Variants in FLRT2 observed in about 807,000 individuals in gnomAD.
FLRT2 encodes the protein fibronectin leucine rich transmembrane protein 2.
Under a neutral mutation model 40.0 loss-of-function variants are expected in FLRT2, and 15 were observed. That is an observed-to-expected ratio of 0.38 (90% CI 0.25 to 0.58). The LOEUF is 0.58. Among genes scored for constraint, FLRT2 ranks in the 20% least tolerant of loss-of-function variants. The pLI is 0.71. For synonymous variants in FLRT2, 380 were observed against 336.8 expected, an observed-to-expected ratio of 1.13 and a Z score of -1.41; for missense variants, 726 against 840.0, an observed-to-expected ratio of 0.86 and a Z score of 1.68.
intron 1 of FLRT2, among the ~76,000 whole-genome samples, chr14:85,534,354 AT>A: frequency 6.6e-6 from 1 of 152,226 alleles, no homozygotes; most frequent in East Asian, 1.9e-4. Context: ...CCCGTTTAGC[AT>A]TTTTAAAAAA....
At position 85,640,183 on chromosome 14, in the gene FLRT2, A is replaced by G. The variant is rs1894119742; in HGVS notation, c.*16686A>G. On this transcript the variant is annotated 3_prime_UTR_variant, in exon 2 of 2. Coordinates refer to ENST00000330753, the MANE Select transcript of FLRT2 (RefSeq NM_013231.6). ...AATTCTTAACAGTTATTGTTATCTAACTACTTGACTAGTGTAGATTCTGCT... is the reference window on the plus strand; with the variant it reads ...AATTCTTAACAGTTATTGTTATCTAGCTACTTGACTAGTGTAGATTCTGCT... 1 of 152,120 alleles carries G rather than the reference A, an allele frequency of 6.6e-6. No homozygotes were observed. Among genetic ancestry groups the G allele is most frequent in the Non-Finnish European group, 1.5e-5 (1 of 68,032 alleles). The allele number at this position is 152,120 out of a possible 1,614,324, so 9.4% of individuals were successfully genotyped here.
chr14:85,593,561 A>T (rs1892000752), intron 1 of FLRT2, among the ~76,000 whole-genome samples: 1 of 152,140 alleles, frequency 6.6e-6, no homozygotes, highest in Admixed American at 6.5e-5. Context: ...GAACCAAGGT[A>T]TTGTTGGGTA....
intron 1 of FLRT2, among the ~76,000 whole-genome samples, chr14:85,594,822 C>T (rs1373886196): frequency 1.3e-5 from 2 of 152,150 alleles, no homozygotes; most frequent in African/African-American, 4.8e-5. Context: ...AATTTAACTA[C>T]TAATAGCCTA....
rs997812262 is a variant in FLRT2, at chr14:85,652,824, C to T, written c.*29327C>T. 2 of 151,964 alleles carry T rather than the reference C, an allele frequency of 1.3e-5. No individual in the cohort carries two copies. The highest frequency in any genetic ancestry group is 4.8e-5 in the African/African-American group (2 of 41,394). 9.4% of individuals were successfully genotyped at this position (151,964 alleles called of 1,614,324 possible). On this transcript the variant is annotated 3_prime_UTR_variant, in exon 2 of 2. Transcript: ENST00000330753. ...ATTATTTAAAAAAGTTTTTGCTTGGCAAATCTTCCCCTCTAGGAGATTAAA... is the reference window on the plus strand; with the variant it reads ...ATTATTTAAAAAAGTTTTTGCTTGGTAAATCTTCCCCTCTAGGAGATTAAA...
chr14:85,616,465 T>C (rs1893139256), intron 1 of FLRT2, among the ~76,000 whole-genome samples: 1 of 152,232 alleles, frequency 6.6e-6, no homozygotes, highest in Non-Finnish European at 1.5e-5. Context: ...GAAGCACGAC[T>C]ACCTCAGTGA....
At position 85,635,235 on chromosome 14, in the gene FLRT2, A is replaced by G. The variant is rs1321714974; in HGVS notation, c.*11738A>G. The stretch of plus-strand genomic sequence containing the variant: ...TGTCCCTAAGCCTCAGTTTCCTCAT[A>G]TATGAAATGAGGTACTAATACTTTT... On this transcript the variant is annotated 3_prime_UTR_variant, in exon 2 of 2. Transcript: ENST00000330753. 2.6e-5 allele frequency: 4 copies of G among 152,166 alleles called. No individual in the cohort carries two copies. The highest frequency in any genetic ancestry group is 9.6e-5 in the African/African-American group (4 of 41,462). The allele number at this position is 152,166 out of a possible 1,614,324, so 9.4% of individuals were successfully genotyped here.
intron 1 of FLRT2, chr14:85,560,933 C>T (rs182442395): frequency 4.6e-5 from 7 of 152,272 alleles, no homozygotes; most frequent in Non-Finnish European, 7.4e-5. Flanking sequence ...AATTACTCTC[C>T]TAATTATAAC....
chr14:85,535,377 T>G (rs1255136833), intron 1 of FLRT2, among the ~76,000 whole-genome samples: 2 of 146,822 alleles, frequency 1.4e-5, no homozygotes, highest in East Asian at 4.1e-4. Flanking sequence ...CAACAACATT[T>G]TGAGGTAAAT....
chr14:85,593,088 T>TAG (rs1891974350), intron 1 of FLRT2, among the ~76,000 whole-genome samples: 1 of 152,358 alleles, frequency 6.6e-6, no homozygotes, highest in East Asian at 1.9e-4. Flanking sequence ...GGGTAACATT[T>TAG]CCTTTTCTTC....
chr14:85,537,887 G>C (rs551370209), intron 1 of FLRT2, among the ~76,000 whole-genome samples: 1 of 148,390 alleles, frequency 6.7e-6, no homozygotes, highest in East Asian at 2.0e-4. Context: ...ATCTACTGGT[G>C]TTTTTGGTTT....
In FLRT2 at chr14:85,640,828, A is replaced by G. The variant is rs2139397783; in HGVS notation, c.*17331A>G. 6.6e-6 allele frequency: 1 copy of G among 152,244 alleles called. No individual in the cohort carries two copies. The highest frequency in any genetic ancestry group is 6.5e-5 in the Admixed American group (1 of 15,284). The allele number at this position is 152,244 out of a possible 1,614,324, so 9.4% of individuals were successfully genotyped here. A position where few individuals can be genotyped will look rare whatever the true frequency, so the allele number is the denominator to read the frequency against. On this transcript the variant is annotated 3_prime_UTR_variant, in exon 2 of 2. Coordinates refer to ENST00000330753, the MANE Select transcript of FLRT2 (RefSeq NM_013231.6). ...TCTTAATAGCTTGAGAGAATTGTAC[A>G]CAAACGTTTCTAAAATACAGATCCT...
At chr14:85,600,048 A>G (rs1174214029) in intron 1 of FLRT2, among the ~76,000 whole-genome samples, 1 of 152,216 alleles carries the variant, frequency 6.6e-6, no homozygotes, top group Non-Finnish European at 1.5e-5. Context: ...ATGTGACGCA[A>G]GTGCAGTTCA....
chr14:85,542,724 G>A (rs1418867908), intron 1 of FLRT2, among the ~76,000 whole-genome samples: 1 of 152,146 alleles, frequency 6.6e-6, no homozygotes, highest in Non-Finnish European at 1.5e-5. Flanking sequence ...AAGTCCAGTG[G>A]TGCTGACAGC....
rs1339072969 is a variant in FLRT2, at chr14:85,635,645, G to C, written c.*12148G>C. 6.6e-6 allele frequency: 1 copy of C among 151,834 alleles called. No individual in the cohort carries two copies. The highest frequency in any genetic ancestry group is 1.5e-5 in the Non-Finnish European group (1 of 67,920). 9.4% of individuals were successfully genotyped at this position (151,834 alleles called of 1,614,324 possible). ...TAATAAATGTGGTTTATTTTTGATG[G>C]AATAGAACAGATTTTAACCCTGATC... On this transcript the variant is annotated 3_prime_UTR_variant, in exon 2 of 2. Transcript: ENST00000330753.
At position 85,627,039 on chromosome 14, in the gene FLRT2, C is replaced by G. The variant is rs539939533; in HGVS notation, c.*3542C>G. 6.0e-6 allele frequency: 1 copy of G among 167,022 alleles called. No homozygotes were observed. Among genetic ancestry groups the G allele is most frequent in the Admixed American group, 6.5e-5 (1 of 15,280 alleles). The allele number at this position is 167,022 out of a possible 1,614,324, so 10.3% of individuals were successfully genotyped here. A position where few individuals can be genotyped will look rare whatever the true frequency, so the allele number is the denominator to read the frequency against. ...TGGATGCTTCACTTGATCTCCGGACCTTGGCTGCAGAGGCCATCGCAGCTT... is the reference window on the plus strand; with the variant it reads ...TGGATGCTTCACTTGATCTCCGGACGTTGGCTGCAGAGGCCATCGCAGCTT... On this transcript the variant is annotated 3_prime_UTR_variant, in exon 2 of 2. Transcript: ENST00000330753.
intron 1 of FLRT2, among the ~76,000 whole-genome samples, chr14:85,584,142 G>A (rs1046090534): frequency 1.3e-5 from 2 of 152,118 alleles, no homozygotes; most frequent in Non-Finnish European, 2.9e-5. Context: ...CAATTAAATT[G>A]CTCTATTGTT....
In FLRT2 at chr14:85,621,730, C is replaced by T. The variant is rs1335465237; in HGVS notation, c.216C>T (p.Asn72=). 2 of 1,614,180 alleles carry T rather than the reference C, an allele frequency of 1.2e-6. No individual in the cohort carries two copies. The highest frequency in any genetic ancestry group is 1.7e-5 in the Admixed American group (1 of 60,020). The part of the protein sequence containing the change: ...PEGVTVLYLH[N]NQINNAGFPA... Reference sequence around the variant, plus strand: ...GCGTAACTGTACTCTACCTCCACAACAACCAAATTAATAATGCTGGATTTC... The same window carrying T: ...GCGTAACTGTACTCTACCTCCACAATAACCAAATTAATAATGCTGGATTTC... The change falls in exon 2 of 2, where the codon AAC becomes AAT. Residue 72 remains asparagine, a synonymous_variant. Transcript: ENST00000330753.
chr14:85,640,016 T>C lies in FLRT2; in HGVS notation c.*16519T>C, dbSNP rs960849304. On this transcript the variant is annotated 3_prime_UTR_variant, in exon 2 of 2. Transcript: ENST00000330753. ...GGCTCCTGCCACCACGCCTGGCTAA[T>C]ATTTTGTATTTTTAGTAGAGACGAG... The C allele has an allele frequency of 1.3e-5, 2 of 151,952 alleles. No individual in the cohort carries two copies. The highest frequency in any genetic ancestry group is 2.9e-5 in the Non-Finnish European group (2 of 68,002). The allele number at this position is 151,952 out of a possible 1,614,324, so 9.4% of individuals were successfully genotyped here.
rs533216818 is a variant in FLRT2 at position 85,551,659 on chromosome 14, C to T, written c.-377+21125C>T. 2.1e-4 allele frequency: 32 copies of T among 152,172 alleles called. No individual in the cohort carries two copies. The South Asian group carries it at 4.8e-3, about 23-fold the overall frequency. 9.4% of individuals were successfully genotyped at this position (152,172 alleles called of 1,614,324 possible). A position where few individuals can be genotyped will look rare whatever the true frequency, so the allele number is the denominator to read the frequency against. On this transcript the variant is annotated intron_variant, in intron 1 of 1. Coordinates refer to ENST00000330753, the MANE Select transcript of FLRT2 (RefSeq NM_013231.6). ...AAAGGATGAATATATATAGGGGTTT[C>T]GCCCTGAAATACCTTAAGATTTATT...
Sources: allele counts gnomAD v4.1 joint callset (sites outside exome capture counted in the v4.1 genomes callset), GRCh38; gene constraint gnomAD v4.1.1; transcripts MANE v1.5; gene names NCBI Gene and HGNC (gene_info 2026-07-23, HGNC 2026-07-21).